DNAJC15: variants seen among roughly 807,000 people sequenced by gnomAD.
DNAJC15 encodes the protein dnaJ homolog subfamily C member 15.
DNAJC15 carries 27 observed loss-of-function variants against 22.4 expected under a neutral mutation model. The observed-to-expected ratio is 1.20, with a 90% CI of 0.89 to 1.66. The LOEUF is 1.66. DNAJC15 is among the 40% of genes most tolerant of loss of function. The pLI is 0.00. For synonymous variants in DNAJC15, 79 were observed against 63.2 expected (o/e 1.25, Z -1.19); for missense variants, 208 against 187.1 (o/e 1.11, Z -0.65).
chr13:43,101,323 C>T (rs996746330), intron 5 of DNAJC15, among the ~76,000 whole-genome samples: 1 of 152,198 alleles, frequency 6.6e-6, no homozygotes, highest in Non-Finnish European at 1.5e-5. Context: ...GCCACTGTAC[C>T]TGGCTGGGTC....
Position 43,039,086 on chromosome 13 carries a change from T to G in DNAJC15, c.108+15352T>G, listed in dbSNP as rs114021291. Among the ~76,000 whole-genome samples, 434 of 152,300 alleles carry G rather than the reference T, an allele frequency of 2.8e-3. 2 individuals are homozygous for G. Among genetic ancestry groups the G allele is most frequent in the African/African-American group, 0.01 (416 of 41,564 alleles). On this transcript the variant is annotated intron_variant, in intron 1 of 5. Coordinates refer to ENST00000379221, the MANE Select transcript of DNAJC15 (RefSeq NM_013238.3). Reference sequence around the variant, plus strand: ...TTTTTATAATCCATTAAAGGTAATGTGAGAGTGACTTCAGATTGTTGCTTG... The same window carrying G: ...TTTTTATAATCCATTAAAGGTAATGGGAGAGTGACTTCAGATTGTTGCTTG...
intron 5 of DNAJC15, among the ~76,000 whole-genome samples, chr13:43,098,508 T>A (rs1207304848): frequency 6.6e-6 from 1 of 152,198 alleles, no homozygotes; most frequent in Non-Finnish European, 1.5e-5. Flanking sequence ...ATAAACCGAA[T>A]CAGACTCAAA....
intron 2 of DNAJC15, among the ~76,000 whole-genome samples, chr13:43,067,895 G>A (rs1385314026): frequency 6.6e-6 from 1 of 152,114 alleles, no homozygotes; most frequent in African/African-American, 2.4e-5. Context: ...AGGCAAGTTA[G>A]GGAATCAGCC....
intron 1 of DNAJC15, among the ~76,000 whole-genome samples, chr13:43,047,818 C>T (rs754151989): frequency 6.6e-5 from 10 of 151,902 alleles, no homozygotes; most frequent in Non-Finnish European, 1.3e-4. Flanking sequence ...AAGTTTAGTA[C>T]GAGCCATGAG....
intron 5 of DNAJC15, among the ~76,000 whole-genome samples, chr13:43,086,099 T>G (rs1049736440): frequency 5.9e-5 from 9 of 152,202 alleles, no homozygotes; most frequent in African/African-American, 2.2e-4. Flanking sequence ...ACCATTTTTA[T>G]CAAGAAAAAT....
intron 1 of DNAJC15, among the ~76,000 whole-genome samples, chr13:43,043,124 T>C (rs9567101): frequency 1.4e-4 from 21 of 152,206 alleles, no homozygotes; most frequent in African/African-American, 4.6e-4. Context: ...TGTTTATTTT[T>C]ATTTTTTTGA....
chr13:43,112,551 A>C lies in DNAJC15; in HGVS notation c.*5303A>C, dbSNP rs1461291128. ...TGGACATCTAAACTATAATGCTAAAAGCCAATAATTAGAATAAGTTCATTT... is the reference window on the plus strand; with the variant it reads ...TGGACATCTAAACTATAATGCTAAACGCCAATAATTAGAATAAGTTCATTT... On this transcript the variant is annotated 3_prime_UTR_variant, in exon 6 of 6. Coordinates refer to ENST00000379221, the MANE Select transcript of DNAJC15 (RefSeq NM_013238.3). 1 of 152,252 alleles carries C rather than the reference A, an allele frequency of 6.6e-6. No individual in the cohort carries two copies. The highest frequency in any genetic ancestry group is 2.4e-5 in the African/African-American group (1 of 41,476). The allele number at this position is 152,252 out of a possible 1,614,324, so 9.4% of individuals were successfully genotyped here. A position where few individuals can be genotyped will look rare whatever the true frequency, so the allele number is the denominator to read the frequency against.
intron 1 of DNAJC15, among the ~76,000 whole-genome samples, chr13:43,025,594 A>G (rs1218635923): frequency 2.0e-5 from 3 of 152,212 alleles, no homozygotes; most frequent in Non-Finnish European, 4.4e-5. Flanking sequence ...TAAAGGTGAA[A>G]TATTTTATTA....
Position 43,106,626 on chromosome 13 carries a change from A to T in DNAJC15, c.383-552A>T, listed in dbSNP as rs114575830. On this transcript the variant is annotated intron_variant, in intron 5 of 5. Transcript: ENST00000379221. ...ATCTCTCATTTATTAAGATTAGATC[A>T]TTTATCTCTATTAAGTAAATAGGTT... Among the ~76,000 whole-genome samples the T allele has an allele frequency of 7.3e-3, 1,116 of 152,204 alleles. 5 individuals are homozygous for T. Among genetic ancestry groups the T allele is most frequent in the African/African-American group, 0.025 (1,050 of 41,550 alleles).
chr13:43,113,944 T>C lies in DNAJC15; in HGVS notation c.*6696T>C, dbSNP rs2040835939. The C allele has an allele frequency of 6.6e-6, 1 of 152,234 alleles. No homozygotes were observed. The allele number at this position is 152,234 out of a possible 1,614,324, so 9.4% of individuals were successfully genotyped here. On this transcript the variant is annotated 3_prime_UTR_variant, in exon 6 of 6. Coordinates refer to ENST00000379221, the MANE Select transcript of DNAJC15 (RefSeq NM_013238.3). ...CTGAGTTACACTTTGTTTCCTGACT[T>C]CTTGGGACTTAGGTAATCAGTTTGC... is the stretch of plus-strand genomic sequence containing the variant.
intron 4 of DNAJC15, among the ~76,000 whole-genome samples, chr13:43,081,515 T>A (rs2040661369): frequency 6.6e-6 from 1 of 151,972 alleles, no homozygotes; most frequent in African/African-American, 2.4e-5. Context: ...CTCCCCTCAC[T>A]GCAAGCTGCG....
chr13:43,068,860 A>G, intron 2 of DNAJC15, 70 bp from the exon 3 acceptor site: 2 of 1,277,070 alleles, frequency 1.6e-6, no homozygotes, highest in South Asian at 2.7e-5. Flanking sequence ...TACTGTTGCA[A>G]GCACTTTGAA....
intron 1 of DNAJC15, among the ~76,000 whole-genome samples, chr13:43,043,499 GTTA>G (rs986828328): frequency 3.9e-5 from 6 of 152,180 alleles, no homozygotes; most frequent in African/African-American, 1.4e-4. Context: ...GATCATTCTT[GTTA>G]TTATTTATTT....
chr13:43,089,916 G>A (rs941303950), intron 5 of DNAJC15, among the ~76,000 whole-genome samples: 1 of 152,192 alleles, frequency 6.6e-6, no homozygotes, highest in African/African-American at 2.4e-5. Context: ...CACTGATGGT[G>A]TAAAAATATT....
At chr13:43,054,187 G>C (rs1412495857) in intron 1 of DNAJC15, among the ~76,000 whole-genome samples, 1 of 152,102 alleles carries the variant, frequency 6.6e-6, no homozygotes, top group African/African-American at 2.4e-5. Flanking sequence ...TTCCACTTCT[G>C]TTTAGTATAT....
At position 43,068,930 on chromosome 13, in the gene DNAJC15, G is replaced by A. The variant is rs542678080; in HGVS notation, c.161G>A (p.Gly54Asp). 4 of 1,611,862 alleles carry A rather than the reference G, an allele frequency of 2.5e-6. No homozygotes were observed. The highest frequency in any genetic ancestry group is 3.4e-6 in the Non-Finnish European group (4 of 1,178,986). ...TGCTTTTATTCCCTTTACTATTTAG[G>A]TCGCTACGCATTTCGGATCTGGAAA... The part of the protein sequence containing the change: ...GLGVAALAFA[G>D]RYAFRIWKPL... Residue 54 changes from glycine (G) to aspartate (D), a missense_variant and splice_region_variant, in exon 3 of 6, where the codon GGT (glycine) becomes GAT (aspartate). Coordinates refer to ENST00000379221, the MANE Select transcript of DNAJC15 (RefSeq NM_013238.3).
chr13:43,076,513 G>A (rs1324825434), intron 3 of DNAJC15, among the ~76,000 whole-genome samples: 1 of 151,960 alleles, frequency 6.6e-6, no homozygotes, highest in Non-Finnish European at 1.5e-5. Context: ...TAAAAACAAA[G>A]AAAAAATTAT....
At chr13:43,029,539 T>C (rs1267375759) in intron 1 of DNAJC15, among the ~76,000 whole-genome samples, 1 of 152,162 alleles carries the variant, frequency 6.6e-6, no homozygotes, top group Non-Finnish European at 1.5e-5. Context: ...GTGCCTTTTT[T>C]TTTTTCCCCA....
chr13:43,083,004 TC>T (rs2040670127), intron 4 of DNAJC15, among the ~76,000 whole-genome samples: 1 of 151,942 alleles, frequency 6.6e-6, no homozygotes, highest in South Asian at 2.1e-4. Context: ...TTTTTAAAGC[TC>T]CCCCTTTTTT....
Sources: gnomAD v4.1 joint callset for allele counts (sites outside exome capture counted in the v4.1 genomes callset) on GRCh38, gnomAD v4.1.1 for gene constraint, MANE v1.5 for transcripts, NCBI Gene and HGNC (gene_info 2026-07-23, HGNC 2026-07-21) for gene names.